Variants in ASXL2 observed in about 807,000 individuals in gnomAD.
The protein encoded by ASXL2 is ASXL transcriptional regulator 2.
Under a neutral mutation model 122.0 loss-of-function variants are expected in ASXL2, and 23 were observed. That is an observed-to-expected ratio of 0.19 (90% CI 0.14 to 0.27). ASXL2 has a LOEUF of 0.27. Among genes scored for constraint, ASXL2 ranks in the 10% least tolerant of loss-of-function variants. The pLI is 1.00. For missense variants in ASXL2, 1,518 were observed against 1,713.8 expected, an observed-to-expected ratio of 0.89 and a Z score of 2.02; for synonymous variants, 650 against 637.0, an observed-to-expected ratio of 1.02 and a Z score of -0.31.
rs552627881 is a variant in ASXL2 at position 25,743,244 on chromosome 2, C to T, written c.3093G>A (p.Gln1031=). 3 of 1,613,712 alleles carry T rather than the reference C, an allele frequency of 1.9e-6. No homozygotes were observed. Among genetic ancestry groups the T allele is most frequent in the Non-Finnish European group, 2.5e-6 (3 of 1,179,728 alleles). ...AAAAGAGCTGAAGGGGCCTTGGAACCTGGGGGAGCTGCTTACTTTGCAAGG... is the reference window on the plus strand; with the variant it reads ...AAAAGAGCTGAAGGGGCCTTGGAACTTGGGGGAGCTGCTTACTTTGCAAGG... ...GKTLQSKQLP[Q]VPRPLQLFSA... Residue 1031 remains glutamine (Q), a synonymous_variant, in exon 13 of 13, where the codon CAG becomes CAA. Coordinates refer to ENST00000435504, the MANE Select transcript of ASXL2 (RefSeq NM_018263.6).
At chr2:25,838,477 A>C (rs571920447) in intron 2 of ASXL2, among the ~76,000 whole-genome samples, 1 of 152,352 alleles carries the variant, frequency 6.6e-6, no homozygotes, top group Non-Finnish European at 1.5e-5. Flanking sequence ...AGAGACTTAC[A>C]CAGAACTCTT....
At chr2:25,785,998 C>A (rs538267403) in intron 5 of ASXL2, among the ~76,000 whole-genome samples, 2 of 152,194 alleles carry the variant, frequency 1.3e-5, no homozygotes, top group African/African-American at 4.8e-5. Context: ...CAAATAAAAT[C>A]TATGATACAG....
rs980871906 is a variant in ASXL2, at chr2:25,750,012, C to T, written c.1544G>A (p.Ser515Asn). The T allele has an allele frequency of 6.2e-7, 1 of 1,614,008 alleles. No homozygotes were observed. The highest frequency in any genetic ancestry group is 8.5e-7 in the Non-Finnish European group (1 of 1,179,882). Residue 515 changes from serine (S) to asparagine (N), a missense_variant, in exon 12 of 13, where the codon AGT becomes AAT. Physicochemically the swap from Ser to Asn is conservative, Grantham distance 46 (BLOSUM62 1). Coordinates refer to ENST00000435504, the MANE Select transcript of ASXL2 (RefSeq NM_018263.6). Reference sequence around the variant, plus strand: ...TGTAACTAAAGATTCTTGGCTTTCACTTTTGTTATAATTAGAAGCTGTGGT... The same window carrying T: ...TGTAACTAAAGATTCTTGGCTTTCATTTTTGTTATAATTAGAAGCTGTGGT... The part of the protein sequence containing the change: ...HLTTASNYNK[S>N]ESQESLVTSP...
intron 5 of ASXL2, among the ~76,000 whole-genome samples, chr2:25,793,877 T>C (rs1186119680): frequency 6.6e-6 from 1 of 152,208 alleles, no homozygotes; most frequent in Non-Finnish European, 1.5e-5. Context: ...TCCTTGCTTC[T>C]GGGTAGTCTA....
At chr2:25,854,891 G>C (rs1233836923) in intron 1 of ASXL2, among the ~76,000 whole-genome samples, 1 of 152,122 alleles carries the variant, frequency 6.6e-6, no homozygotes, top group Non-Finnish European at 1.5e-5. Flanking sequence ...ACTGCTGCCA[G>C]TGTCTGTCTT....
intron 2 of ASXL2, among the ~76,000 whole-genome samples, chr2:25,843,117 G>A (rs377740145): frequency 1.7e-4 from 26 of 151,652 alleles, no homozygotes; most frequent in East Asian, 5.9e-4. Context: ...TGGCTAACAC[G>A]GTGAAACCAC....
intron 8 of ASXL2, among the ~76,000 whole-genome samples, chr2:25,766,273 TTCACTCATGTTTCTTAA>T (rs1452414696): frequency 6.6e-6 from 1 of 152,198 alleles, no homozygotes; most frequent in Non-Finnish European, 1.5e-5. Flanking sequence ...TAGGTTTCTT[TTCACTCATGTTTCTTAA>T]TGCCTATTAC....
chr2:25,785,002 T>C (rs185995051), intron 5 of ASXL2, among the ~76,000 whole-genome samples: 100 of 152,348 alleles, frequency 6.6e-4, no homozygotes, highest in African/African-American at 2.2e-3. Context: ...TAAGCTATTA[T>C]AGTGCTGCCC....
At chr2:25,827,038 A>G (rs954590717) in intron 3 of ASXL2, among the ~76,000 whole-genome samples, 5 of 133,630 alleles carry the variant, frequency 3.7e-5, no homozygotes, top group African/African-American at 5.6e-5. Flanking sequence ...GGGTCTCCCT[A>G]TGTTGCCCAA....
intron 5 of ASXL2, among the ~76,000 whole-genome samples, chr2:25,796,386 C>T (rs2088911323): frequency 6.6e-6 from 1 of 152,118 alleles, no homozygotes; most frequent in Admixed American, 6.5e-5. Context: ...AAGGAATCAT[C>T]AAGAGTTGGT....
intron 9 of ASXL2, among the ~76,000 whole-genome samples, 168 bp downstream of exon 9, chr2:25,759,314 A>G (rs2088196872): frequency 6.6e-6 from 1 of 152,158 alleles, no homozygotes; most frequent in African/African-American, 2.4e-5. Context: ...TAATTCTGTC[A>G]TCTTGAAATT....
intron 11 of ASXL2, among the ~76,000 whole-genome samples, chr2:25,751,420 G>A (rs2088043495): frequency 6.6e-6 from 1 of 152,272 alleles, no homozygotes; most frequent in East Asian, 1.9e-4. Context: ...GATCGCTTGA[G>A]CACAGGGGTT....
chr2:25,874,108 C>T (rs1024545677), intron 1 of ASXL2, among the ~76,000 whole-genome samples: 2 of 152,136 alleles, frequency 1.3e-5, no homozygotes, highest in Non-Finnish European at 2.9e-5. Flanking sequence ...CTTTGAGAGG[C>T]TGAGGCAGGC....
chr2:25,831,453 G>T (rs1446419199), intron 3 of ASXL2, among the ~76,000 whole-genome samples: 1 of 152,124 alleles, frequency 6.6e-6, no homozygotes, highest in Non-Finnish European at 1.5e-5. Context: ...TTGAGCTCAG[G>T]TATTGCGCTG....
At chr2:25,772,692 G>T (rs868593225) in intron 5 of ASXL2, among the ~76,000 whole-genome samples, 1 of 121,536 alleles carries the variant, frequency 8.2e-6, no homozygotes, top group African/African-American at 3.2e-5. Context: ...TCATGCCACC[G>T]CACTCCAGCC....
intron 1 of ASXL2, among the ~76,000 whole-genome samples, chr2:25,870,459 G>C (rs1191061695): frequency 6.6e-6 from 1 of 152,180 alleles, no homozygotes; most frequent in Non-Finnish European, 1.5e-5. Flanking sequence ...AGGAGGCGGA[G>C]GTTGCAGTGA....
chr2:25,757,504 A>AACAC (rs550460261), intron 9 of ASXL2, among the ~76,000 whole-genome samples: 3 of 148,692 alleles, frequency 2.0e-5, no homozygotes, highest in African/African-American at 7.5e-5. Context: ...AGAAAAAGAA[A>AACAC]ACACACACAC....
At chr2:25,873,958 T>C (rs1339703318) in intron 1 of ASXL2, among the ~76,000 whole-genome samples, 2 of 152,204 alleles carry the variant, frequency 1.3e-5, no homozygotes, top group Non-Finnish European at 2.9e-5. Context: ...TTTTCAAAGT[T>C]CTGCTTTGCA....
At chr2:25,794,510 G>A (rs752149364) in intron 5 of ASXL2, among the ~76,000 whole-genome samples, 3 of 152,134 alleles carry the variant, frequency 2.0e-5, no homozygotes, top group African/African-American at 7.2e-5. Flanking sequence ...TCTGAACATT[G>A]TGTATCCTGT....
Sources: gnomAD v4.1 joint callset for allele counts (sites outside exome capture counted in the v4.1 genomes callset) on GRCh38, gnomAD v4.1.1 for gene constraint, MANE v1.5 for transcripts, NCBI Gene and HGNC (gene_info 2026-07-23, HGNC 2026-07-21) for gene names.